TUFT1: variants seen among roughly 807,000 people sequenced by gnomAD.
TUFT1 encodes tuftelin.
In TUFT1, 43 loss-of-function variants were observed where a neutral mutation model predicts 57.8. That is an observed-to-expected ratio of 0.74 (90% CI 0.58 to 0.96). TUFT1 has a LOEUF of 0.96. TUFT1 is among the 40% of genes least tolerant of loss of function. TUFT1 has a pLI of 0.00. For synonymous variants in TUFT1, 166 were observed against 176.7 expected, an observed-to-expected ratio of 0.94 and a Z score of 0.48; for missense variants, 459 against 489.0, an observed-to-expected ratio of 0.94 and a Z score of 0.58.
Position 151,540,402 on chromosome 1 carries a change from C to T in TUFT1, c.36C>T (p.Asp12=). 6.2e-7 allele frequency: 1 copy of T among 1,614,190 alleles called. No individual in the cohort carries two copies. The highest frequency in any genetic ancestry group is 8.5e-7 in the Non-Finnish European group (1 of 1,180,010). ...CGCGGAACTGGTGTACCCTGGTGGA[C>T]GTGCACCCAGAGGACCAGGCGGCGG... is the stretch of plus-strand genomic sequence containing the variant. ...NGTRNWCTLV[D]VHPEDQAAGS... Residue 12 remains aspartate (D), a synonymous_variant, in exon 1 of 13, where the codon GAC becomes GAT. Coordinates refer to ENST00000368849, the MANE Select transcript of TUFT1 (RefSeq NM_020127.3).
intron 1 of TUFT1, chr1:151,545,757 G>C (rs1025989498): frequency 7.9e-6 from 4 of 506,348 alleles, no homozygotes; most frequent in Admixed American, 2.0e-5. Flanking sequence ...GAGAGTCCCA[G>C]GGGTGAGAGG....
At position 151,554,695 on chromosome 1, in the gene TUFT1, C is replaced by CCTT. The variant is rs1553249393; in HGVS notation, c.61-7396_61-7395insCTT. ...ACTGTGAACCACTGTGCCCGGCCCCCTTTTTTTTTTTTTTTTTTTTTTTTT... is the reference window on the plus strand; with the variant it reads ...ACTGTGAACCACTGTGCCCGGCCCCCCTTTTTTTTTTTTTTTTTTTTTTTTTTT... On this transcript the variant is annotated intron_variant, in intron 1 of 12. Transcript: ENST00000368849. 3.2e-4 allele frequency among the ~76,000 whole-genome samples: 27 copies of CCTT among 85,676 alleles called. 5 individuals carry two copies. The South Asian group carries it at 3.5e-3, about 11-fold the overall frequency. 56.2% of individuals were successfully genotyped at this position (85,676 alleles called of 152,430 possible). A position where few individuals can be genotyped will look rare whatever the true frequency, so the allele number is the denominator to read the frequency against.
intron 1 of TUFT1, among the ~76,000 whole-genome samples, chr1:151,554,192 G>C (rs1227885101): frequency 6.6e-6 from 1 of 152,080 alleles, no homozygotes; most frequent in Non-Finnish European, 1.5e-5. Flanking sequence ...ATTAATGTTG[G>C]TACAATGCTG....
intron 10 of TUFT1, 42 bp downstream of exon 10, chr1:151,578,868 C>A: frequency 1.4e-6 from 2 of 1,468,954 alleles, no homozygotes; most frequent in Non-Finnish European, 1.9e-6. Flanking sequence ...GGGAGTCACC[C>A]CAAGTCTATG....
At chr1:151,555,718 A>G (rs890112502) in intron 1 of TUFT1, among the ~76,000 whole-genome samples, 1 of 146,164 alleles carries the variant, frequency 6.8e-6, no homozygotes, top group African/African-American at 2.5e-5. Context: ...CAGAGGTTGC[A>G]GTGAGCTGAG....
chr1:151,564,422 G>T, intron 4 of TUFT1, 103 bp from the exon 5 acceptor site: 1 of 810,616 alleles, frequency 1.2e-6, no homozygotes, highest in Non-Finnish European at 2.1e-6. Flanking sequence ...TTAGGACAGT[G>T]CCTGACTCGC....
intron 6 of TUFT1, among the ~76,000 whole-genome samples, chr1:151,568,117 A>G (rs559221935): frequency 1.4e-4 from 21 of 151,792 alleles, no homozygotes; most frequent in African/African-American, 4.8e-4. Flanking sequence ...ATGTTTTTGC[A>G]TTCGGTGTTT....
At chr1:151,554,846 G>A (rs955060666) in intron 1 of TUFT1, among the ~76,000 whole-genome samples, 8 of 149,658 alleles carry the variant, frequency 5.3e-5, no homozygotes, top group Non-Finnish European at 8.9e-5. Context: ...TGGGACTACA[G>A]GCATGTGCCA....
At chr1:151,556,098 T>C (rs1193049948) in intron 1 of TUFT1, among the ~76,000 whole-genome samples, 3 of 152,234 alleles carry the variant, frequency 2.0e-5, no homozygotes, top group Admixed American at 1.3e-4. Context: ...AGTGAAATTA[T>C]AGAGCATGTA....
At chr1:151,566,086 G>T in intron 5 of TUFT1, 77 bp from the exon 6 acceptor site, 1 of 752,526 alleles carries the variant, frequency 1.3e-6, no homozygotes, top group Non-Finnish European at 1.9e-6. Context: ...TCTAAGATTT[G>T]AGTGTTAGGA....
At position 151,574,333 on chromosome 1, in the gene TUFT1, G is replaced by A. The variant is rs1666371518; in HGVS notation, c.658G>A (p.Asp220Asn). 6.2e-7 allele frequency: 1 copy of A among 1,614,086 alleles called. No individual in the cohort carries two copies. The highest frequency in any genetic ancestry group is 8.5e-7 in the Non-Finnish European group (1 of 1,180,040). Residue 220 changes from aspartate (D) to asparagine (N), a missense_variant, in exon 8 of 13, where the codon GAC becomes AAC. Asp to Asn is a conservative substitution (Grantham distance 23, BLOSUM62 1). Coordinates refer to ENST00000368849, the MANE Select transcript of TUFT1 (RefSeq NM_020127.3). Reference protein sequence around the residue: ...QSNVALQREEDRVEQKEAEVG... With the variant: ...QSNVALQREENRVEQKEAEVG... ...TAATGTGGCCCTTCAGAGAGAGGAG[G>A]ACAGAGTGGAGCAGAAAGAGGCAGA...
At chr1:151,547,267 C>T (rs1041661669) in intron 1 of TUFT1, among the ~76,000 whole-genome samples, 2 of 152,324 alleles carry the variant, frequency 1.3e-5, no homozygotes, top group Non-Finnish European at 2.9e-5. Flanking sequence ...GGAGAGTTAC[C>T]TCATCATCAG....
Position 151,540,381 on chromosome 1 carries a change from G to A in TUFT1, c.15G>A (p.Arg5=). 6.2e-7 allele frequency: 1 copy of A among 1,614,186 alleles called. No individual in the cohort carries two copies. Among genetic ancestry groups the A allele is most frequent in the Non-Finnish European group, 8.5e-7 (1 of 1,180,002 alleles). ...CCCGAGGGAAGATGAACGGGACGCG[G>A]AACTGGTGTACCCTGGTGGACGTGC... MNGT[R]NWCTLVDVHP... The change falls in exon 1 of 13, where the codon CGG becomes CGA. Residue 5 remains arginine (R), a synonymous_variant. Coordinates refer to ENST00000368849, the MANE Select transcript of TUFT1 (RefSeq NM_020127.3).
At chr1:151,564,280 G>A (rs940100735) in intron 4 of TUFT1, among the ~76,000 whole-genome samples, 7 of 152,024 alleles carry the variant, frequency 4.6e-5, no homozygotes, top group South Asian at 2.1e-4. Context: ...CGTGTTTCTC[G>A]TTGGCACTTA....
chr1:151,548,492 G>A (rs1194050615), intron 1 of TUFT1, among the ~76,000 whole-genome samples: 1 of 151,936 alleles, frequency 6.6e-6, no homozygotes, highest in African/African-American at 2.4e-5. Flanking sequence ...TAGTAGAGAT[G>A]GGGTTTCATC....
In TUFT1 at chr1:151,567,537, A is replaced by G. The variant is rs138971937; in HGVS notation, c.480+1309A>G. Among the ~76,000 whole-genome samples the G allele has an allele frequency of 5.0e-3, 761 of 152,108 alleles. 10 individuals are homozygous for G. The highest frequency in any genetic ancestry group is 0.018 in the African/African-American group (731 of 41,492). ...TCATGAGCTACTATGCTTGGCCTCC[A>G]TGACTGTACTTTATTTGTTATTTTT... is the stretch of plus-strand genomic sequence containing the variant. On this transcript the variant is annotated intron_variant, in intron 6 of 12. Coordinates refer to ENST00000368849, the MANE Select transcript of TUFT1 (RefSeq NM_020127.3).
intron 2 of TUFT1, 116 bp downstream of exon 2, chr1:151,562,281 C>T (rs1277446779): frequency 6.8e-6 from 6 of 887,964 alleles, no homozygotes; most frequent in Admixed American, 2.2e-5. Context: ...GTGGGAGCCC[C>T]TCCTTTCAGC....
intron 1 of TUFT1, chr1:151,561,612 G>T: frequency 2.5e-6 from 3 of 1,183,440 alleles, no homozygotes; most frequent in Admixed American, 3.7e-5. Context: ...TTTCCATGTG[G>T]CTCATAGAAA....
intron 3 of TUFT1, 78 bp downstream of exon 3, chr1:151,562,764 G>C: frequency 1.6e-6 from 2 of 1,269,210 alleles, no homozygotes; most frequent in Non-Finnish European, 2.3e-6. Context: ...AGTTGATGTT[G>C]TTGCCAAAGG....
Sources: allele counts gnomAD v4.1 joint callset (sites outside exome capture counted in the v4.1 genomes callset), GRCh38; gene constraint gnomAD v4.1.1; transcripts MANE v1.5; gene names NCBI Gene and HGNC (gene_info 2026-07-23, HGNC 2026-07-21).